The following ANKRD17 variants were observed in gnomAD, a reference collection of about 807,000 sequenced individuals.
ANKRD17 encodes ankyrin repeat domain-containing protein 17.
Under a neutral mutation model 229.7 loss-of-function variants are expected in ANKRD17, and 19 were observed. The ratio of observed to expected loss-of-function variants is 0.08; its 90% confidence interval spans 0.06 to 0.12. ANKRD17 has a LOEUF of 0.12. Among genes scored for constraint, ANKRD17 ranks in the 10% least tolerant of loss-of-function variants. ANKRD17 has a pLI of 1.00. For missense variants in ANKRD17, 2,176 were observed against 3,176.8 expected (o/e 0.68, Z 7.57); for synonymous variants, 1,112 against 1,146.1 (o/e 0.97, Z 0.60).
rs756411237 is a variant in ANKRD17 at position 73,258,452 on chromosome 4, TGTG to T, written c.214_216del (p.His72del). The stretch of plus-strand genomic sequence containing the variant: ...CGGCAAGTCCGGTTACGCTTGGCCT[TGTG>T]GTGCTGCTGCTGCGGCGGCTTCTTC... On this transcript the variant is annotated inframe_deletion, in exon 1 of 34. Coordinates refer to ENST00000358602, the MANE Select transcript of ANKRD17 (RefSeq NM_032217.5). 12 of 1,608,136 alleles carry T rather than the reference TGTG, an allele frequency of 7.5e-6. No individual in the cohort carries two copies. In the African/African-American group the frequency reaches 1.1e-4, roughly 14 times the overall value.
chr4:73,158,147 GAAGAAAAAGAAAGAAAGAAAGAAAGA>G (rs1204893138), intron 3 of ANKRD17, among the ~76,000 whole-genome samples: 1 of 14,918 alleles, frequency 6.7e-5, no homozygotes, highest in African/African-American at 1.5e-4. Flanking sequence ...AGAAAGAAAG[GAAGAAAAAGAAAGAAAGAAAGAAAGA>G]AAGAAAGAAA....
intron 7 of ANKRD17, 151 bp downstream of exon 7, chr4:73,151,279 T>C (rs1474557948): frequency 1.6e-6 from 1 of 630,502 alleles, no homozygotes; most frequent in African/African-American, 1.9e-5. Flanking sequence ...CTTCAGAAAG[T>C]AACTTTAATA....
intron 1 of ANKRD17, among the ~76,000 whole-genome samples, chr4:73,253,015 A>G (rs1745163864): frequency 6.6e-6 from 1 of 152,206 alleles, no homozygotes; most frequent in Admixed American, 6.5e-5. Context: ...TCAACACCAT[A>G]CAGCATAACA....
At chr4:73,203,758 CAAAAAAAAAAAA>C (rs67020753) in intron 1 of ANKRD17, among the ~76,000 whole-genome samples, 2 of 82,166 alleles carry the variant, frequency 2.4e-5, no homozygotes, top group African/African-American at 1.0e-4. Context: ...GACTCCGTCT[CAAAAAAAAAAAA>C]AAAAAAAAAG....
At chr4:73,230,755 A>C (rs1742965563) in intron 1 of ANKRD17, among the ~76,000 whole-genome samples, 1 of 152,326 alleles carries the variant, frequency 6.6e-6, no homozygotes, top group East Asian at 1.9e-4. Context: ...TAAGTAATGT[A>C]CTAAACAAAG....
chr4:73,203,231 T>A (rs1738915421), intron 1 of ANKRD17, among the ~76,000 whole-genome samples: 1 of 152,178 alleles, frequency 6.6e-6, no homozygotes, highest in Non-Finnish European at 1.5e-5. Context: ...AGTTTTCCCT[T>A]TCCCAGTTTT....
At chr4:73,208,970 C>CG (rs1049313615) in intron 1 of ANKRD17, among the ~76,000 whole-genome samples, 10 of 152,134 alleles carry the variant, frequency 6.6e-5, no homozygotes, top group African/African-American at 2.4e-4. Flanking sequence ...CCAGCACTTC[C>CG]GGGGGTGGGC....
At chr4:73,168,132 G>GAC (rs72601887) in intron 2 of ANKRD17, among the ~76,000 whole-genome samples, 151,968 of 151,980 alleles carry the variant, frequency 1, 75,978 homozygotes, top group Non-Finnish European at 1. Flanking sequence ...CAGCCTGGGG[G>GAC]AGAGTGAGAC....
intron 1 of ANKRD17, among the ~76,000 whole-genome samples, chr4:73,227,481 G>A (rs1244953327): frequency 6.6e-6 from 1 of 152,072 alleles, no homozygotes; most frequent in Non-Finnish European, 1.5e-5. Context: ...CAAGAAAATT[G>A]TCTTCCCATT....
chr4:73,224,731 G>C (rs1308204797), intron 1 of ANKRD17, among the ~76,000 whole-genome samples: 1 of 151,854 alleles, frequency 6.6e-6, no homozygotes, highest in Admixed American at 6.6e-5. Context: ...CCCATTTTAC[G>C]TATGTGGAAA....
chr4:73,109,068 G>A (rs1314619305), intron 24 of ANKRD17, among the ~76,000 whole-genome samples: 3 of 152,216 alleles, frequency 2.0e-5, no homozygotes, highest in African/African-American at 7.2e-5. Flanking sequence ...GGGAGGCCAA[G>A]GCGGGCAGAT....
intron 1 of ANKRD17, among the ~76,000 whole-genome samples, chr4:73,189,119 G>C (rs145007275): frequency 1.7e-3 from 261 of 152,154 alleles, no homozygotes; most frequent in Admixed American, 3.3e-3. Flanking sequence ...TTAAGGAATA[G>C]AGCACTACTT....
Position 73,179,464 on chromosome 4 carries a change from A to ATATG in ANKRD17, c.394-1935_394-1932dup, listed in dbSNP as rs1231374565. Among the ~76,000 whole-genome samples, 85 of 91,908 alleles carry ATATG rather than the reference A, an allele frequency of 9.2e-4. 1 individual carries two copies. Among genetic ancestry groups the ATATG allele is most frequent in the African/African-American group, 3.5e-3 (84 of 23,758 alleles). 60.3% of individuals were successfully genotyped at this position (91,908 alleles called of 152,430 possible). ...TATATATATCTGTGTATATATGTAT[A>ATATG]TATGTGTGTGTGTGTGTGTGTGTGT... On this transcript the variant is annotated intron_variant, in intron 1 of 33. Coordinates refer to ENST00000358602, the MANE Select transcript of ANKRD17 (RefSeq NM_032217.5).
chr4:73,241,671 A>C (rs1287787536), intron 1 of ANKRD17, among the ~76,000 whole-genome samples: 2 of 152,156 alleles, frequency 1.3e-5, no homozygotes, highest in Non-Finnish European at 2.9e-5. Flanking sequence ...ACATAAACTG[A>C]ATCTGTAAAA....
At chr4:73,203,738 G>C (rs1322587702) in intron 1 of ANKRD17, among the ~76,000 whole-genome samples, 1 of 122,158 alleles carries the variant, frequency 8.2e-6, no homozygotes, top group Non-Finnish European at 1.6e-5. Flanking sequence ...CAGCCTGGGC[G>C]ACAGAGCGAG....
chr4:73,116,509 C>T (rs1725976713), intron 22 of ANKRD17, among the ~76,000 whole-genome samples: 1 of 152,154 alleles, frequency 6.6e-6, no homozygotes, highest in African/African-American at 2.4e-5. Context: ...CATACTGTTG[C>T]TTTCTGACAC....
At chr4:73,103,046 C>T (rs1382596269) in intron 24 of ANKRD17, among the ~76,000 whole-genome samples, 1 of 151,926 alleles carries the variant, frequency 6.6e-6, no homozygotes, top group East Asian at 1.9e-4. Context: ...AAGGGTTCAG[C>T]AATTTTCTTT....
Position 73,149,027 on chromosome 4 carries a change from C to T in ANKRD17, c.1353G>A (p.Arg451=). 1 of 1,612,546 alleles carries T rather than the reference C, an allele frequency of 6.2e-7. No homozygotes were observed. The highest frequency in any genetic ancestry group is 8.5e-7 in the Non-Finnish European group (1 of 1,179,208). ...CTTGGGCACCGCTGTCAAGAAGTAA[C>T]CTAGCTACTTCAACATGGCCATCCT... ...ACMDGHVEVA[R]LLLDSGAQVN... is the part of the protein sequence containing the mutation. Residue 451 remains arginine, a synonymous_variant, in exon 8 of 34, where the codon AGG becomes AGA. Coordinates refer to ENST00000358602, the MANE Select transcript of ANKRD17 (RefSeq NM_032217.5).
chr4:73,084,954 G>A (rs1051308541), intron 30 of ANKRD17, among the ~76,000 whole-genome samples: 1 of 152,136 alleles, frequency 6.6e-6, no homozygotes, highest in Non-Finnish European at 1.5e-5. Flanking sequence ...AAGGCAGGAA[G>A]ACTGCTTCAG....
Sources: allele counts gnomAD v4.1 joint callset (sites outside exome capture counted in the v4.1 genomes callset), GRCh38; gene constraint gnomAD v4.1.1; transcripts MANE v1.5; gene names NCBI Gene and HGNC (gene_info 2026-07-23, HGNC 2026-07-21).